KCNK2: variants seen among roughly 807,000 people sequenced by gnomAD.
The protein encoded by KCNK2 is potassium two pore domain channel subfamily K member 2.
KCNK2 carries 21 observed loss-of-function variants against 40.5 expected under a neutral mutation model. The ratio of observed to expected loss-of-function variants is 0.52; its 90% confidence interval spans 0.37 to 0.75. The LOEUF is 0.75. Ranked by LOEUF, KCNK2 falls within the 30% of genes least tolerant of loss-of-function variation. KCNK2 has a pLI of 0.00. For synonymous variants in KCNK2, 191 were observed against 202.2 expected (o/e 0.94, Z 0.47); for missense variants, 399 against 531.6 (o/e 0.75, Z 2.45).
intron 5 of KCNK2, among the ~76,000 whole-genome samples, chr1:215,174,907 C>T (rs1663886190): frequency 6.6e-6 from 1 of 152,118 alleles, no homozygotes; most frequent in Non-Finnish European, 1.5e-5. Flanking sequence ...ATCATGTCAT[C>T]TGCAAACAGG....
At chr1:215,164,155 T>C (rs1453046497) in intron 3 of KCNK2, among the ~76,000 whole-genome samples, 1 of 152,208 alleles carries the variant, frequency 6.6e-6, no homozygotes, top group Admixed American at 6.6e-5. Flanking sequence ...TGGGACAGTG[T>C]CTGTGTGCAG....
intron 1 of KCNK2, among the ~76,000 whole-genome samples, chr1:215,033,126 A>G (rs1657262778): frequency 6.6e-6 from 1 of 150,544 alleles, no homozygotes; most frequent in South Asian, 2.1e-4. Context: ...TTCCTCAGAC[A>G]TGTCCACTCT....
chr1:215,013,831 G>A (rs959082679), intron 1 of KCNK2, among the ~76,000 whole-genome samples: 2 of 151,956 alleles, frequency 1.3e-5, no homozygotes, highest in African/African-American at 4.8e-5. Flanking sequence ...AATTATTTAG[G>A]TTTTCTATAT....
chr1:215,201,406 G>C (rs1023793873), intron 6 of KCNK2, among the ~76,000 whole-genome samples: 1 of 152,164 alleles, frequency 6.6e-6, no homozygotes, highest in Admixed American at 6.5e-5. Flanking sequence ...GTGCAATACA[G>C]TAGCTATATC....
chr1:215,084,281 T>C (rs1455865410), intron 1 of KCNK2, among the ~76,000 whole-genome samples: 1 of 151,978 alleles, frequency 6.6e-6, no homozygotes, highest in Non-Finnish European at 1.5e-5. Flanking sequence ...AATGTCTTAA[T>C]GGAATTTCAG....
At chr1:215,209,476 T>TATATATTA (rs1553274203) in intron 6 of KCNK2, among the ~76,000 whole-genome samples, 8 of 43,194 alleles carry the variant, frequency 1.9e-4, no homozygotes, top group African/African-American at 4.0e-4. Context: ...ATAATATATA[T>TATATATTA]TATATATAAT....
At chr1:215,083,824 A>G (rs969130620) in intron 1 of KCNK2, among the ~76,000 whole-genome samples, 4 of 152,176 alleles carry the variant, frequency 2.6e-5, no homozygotes, top group Non-Finnish European at 5.9e-5. Context: ...TTCCGCTGCT[A>G]TTCAGTGGTC....
intron 3 of KCNK2, among the ~76,000 whole-genome samples, chr1:215,149,245 C>A (rs1159482600): frequency 1.3e-5 from 2 of 152,112 alleles, no homozygotes; most frequent in African/African-American, 2.4e-5. Flanking sequence ...GCCTCATTGC[C>A]TACAAAGCCT....
intron 2 of KCNK2, among the ~76,000 whole-genome samples, chr1:215,113,159 G>A (rs1421497543): frequency 1.3e-5 from 2 of 152,072 alleles, no homozygotes; most frequent in Admixed American, 6.6e-5. Flanking sequence ...CATCATACAC[G>A]TGGATAAAAT....
chr1:215,049,377 T>C lies in KCNK2; in HGVS notation c.35-36991T>C, dbSNP rs12025006. Among the ~76,000 whole-genome samples, 1,899 of 152,306 alleles carry C rather than the reference T, an allele frequency of 0.012. 60 individuals are homozygous for C. The East Asian group carries it at 0.13, about 11-fold the overall frequency. ...TTTACACTGTTTTGAGAGATCTTTA[T>C]ATATTATAGATACTAGTCCACTGTC... On this transcript the variant is annotated intron_variant, in intron 1 of 6. Transcript: ENST00000391895.
intron 6 of KCNK2, among the ~76,000 whole-genome samples, chr1:215,227,752 C>T (rs150002351): frequency 1.3e-5 from 2 of 151,828 alleles, no homozygotes; most frequent in East Asian, 3.9e-4. Context: ...GACTCTTCCA[C>T]GGTTTTGACA....
chr1:215,224,019 AATTTT>A (rs1027899891), intron 6 of KCNK2, among the ~76,000 whole-genome samples: 11 of 152,184 alleles, frequency 7.2e-5, no homozygotes, highest in Admixed American at 7.2e-4. Flanking sequence ...CTAAGTAAAT[AATTTT>A]GTTTAGAATT....
intron 2 of KCNK2, among the ~76,000 whole-genome samples, chr1:215,100,521 A>T (rs2102549774): frequency 6.6e-6 from 1 of 152,078 alleles, no homozygotes; most frequent in Non-Finnish European, 1.5e-5. Flanking sequence ...AGGTCTTGTT[A>T]ACCTTTACTT....
chr1:215,222,039 C>G (rs1217981485), intron 6 of KCNK2, among the ~76,000 whole-genome samples: 1 of 152,036 alleles, frequency 6.6e-6, no homozygotes, highest in Non-Finnish European at 1.5e-5. Flanking sequence ...AAAGCAGGAG[C>G]AAGAGAGAGT....
intron 3 of KCNK2, among the ~76,000 whole-genome samples, chr1:215,131,206 A>G (rs995604360): frequency 2.6e-5 from 4 of 151,484 alleles, no homozygotes; most frequent in African/African-American, 9.7e-5. Context: ...CAGTTAAACT[A>G]TGGGAAAGGC....
Position 215,083,299 on chromosome 1 carries a change from G to T in KCNK2, c.-87G>T. ...AGCTCGGAGCGCGCAGCCCGTCTCT[G>T]AATAAGAAGTGAGTACAATGGCGTG... is the stretch of plus-strand genomic sequence containing the variant. On this transcript the variant is annotated 5_prime_UTR_variant, in exon 1 of 7. An upstream open reading frame in the 5' UTR gains an earlier in-frame stop. Transcript: ENST00000444842. The T allele has an allele frequency of 6.2e-7, 1 of 1,611,328 alleles. No individual in the cohort carries two copies. The highest frequency in any genetic ancestry group is 1.3e-5 in the African/African-American group (1 of 74,474).
chr1:215,056,780 T>G (rs1658185628), intron 1 of KCNK2, among the ~76,000 whole-genome samples: 1 of 151,870 alleles, frequency 6.6e-6, no homozygotes, highest in African/African-American at 2.4e-5. Context: ...CGAGGCAGGA[T>G]GTACATGGGG....
intron 1 of KCNK2, among the ~76,000 whole-genome samples, chr1:215,013,135 G>A (rs974655079): frequency 6.2e-4 from 94 of 151,994 alleles, no homozygotes; most frequent in African/African-American, 2.2e-3. Context: ...TTAGATCTAT[G>A]ATTCACTTCA....
intron 5 of KCNK2, among the ~76,000 whole-genome samples, chr1:215,187,849 TAAAAA>T (rs768043797): frequency 1.0e-5 from 1 of 97,392 alleles, no homozygotes; most frequent in African/African-American, 4.8e-5. Flanking sequence ...CTCAAAAATT[TAAAAA>T]AAAAAAAAAA....
Sources: gnomAD v4.1 joint callset for allele counts (sites outside exome capture counted in the v4.1 genomes callset) on GRCh38, gnomAD v4.1.1 for gene constraint, MANE v1.5 for transcripts, NCBI Gene and HGNC (gene_info 2026-07-23, HGNC 2026-07-21) for gene names.